CPM: variants seen among roughly 807,000 people sequenced by gnomAD.
The protein encoded by CPM is renal carboxypeptidase.
A neutral mutation model predicts 46.4 loss-of-function variants in CPM; 35 were observed. That is an observed-to-expected ratio of 0.75 (90% CI 0.58 to 1.00). CPM has a LOEUF of 1.00. Ranked by LOEUF, CPM falls within the 50% of genes least tolerant of loss-of-function variation. The pLI is 0.00. For missense variants in CPM, 422 were observed against 530.4 expected (o/e 0.80, Z 2.01); for synonymous variants, 195 against 195.3 (o/e 1.00, Z 0.01).
intron 2 of CPM, among the ~76,000 whole-genome samples, chr12:68,920,694 T>TA (rs1887999644): frequency 1.6e-5 from 2 of 124,548 alleles, no homozygotes; most frequent in Admixed American, 1.6e-4. Flanking sequence ...TTTCTTTTTC[T>TA]TTTTCTTTTT....
intron 1 of CPM, among the ~76,000 whole-genome samples, chr12:68,951,244 A>G (rs1196476547): frequency 6.6e-6 from 1 of 152,258 alleles, no homozygotes; most frequent in Non-Finnish European, 1.5e-5. Flanking sequence ...AAAATCACTT[A>G]ACAATGCTCA....
chr12:68,873,680 A>C (rs1398695961), intron 3 of CPM, among the ~76,000 whole-genome samples: 1 of 151,798 alleles, frequency 6.6e-6, no homozygotes, highest in East Asian at 1.9e-4. Flanking sequence ...AAAAAAAAAA[A>C]AAAAAGAAAG....
At chr12:68,954,503 T>C (rs1197146549) in intron 1 of CPM, among the ~76,000 whole-genome samples, 1 of 152,174 alleles carries the variant, frequency 6.6e-6, no homozygotes, top group Non-Finnish European at 1.5e-5. Flanking sequence ...CTTTGCTGAC[T>C]TCTCTCCTTC....
chr12:68,860,026 T>G (rs1302589471), intron 7 of CPM, among the ~76,000 whole-genome samples: 2 of 152,210 alleles, frequency 1.3e-5, no homozygotes, highest in African/African-American at 4.8e-5. Flanking sequence ...AATTATTTAT[T>G]AGGGCAGAAA....
chr12:68,921,722 C>G (rs970984776), intron 2 of CPM, among the ~76,000 whole-genome samples: 2 of 151,980 alleles, frequency 1.3e-5, no homozygotes, highest in African/African-American at 4.8e-5. Context: ...ATATTATTTA[C>G]TACTAATATA....
chr12:68,861,819 C>G (rs959438813), intron 7 of CPM, among the ~76,000 whole-genome samples: 1 of 149,708 alleles, frequency 6.7e-6, no homozygotes, highest in African/African-American at 2.5e-5. Context: ...TGAGCCATCG[C>G]GCCCGGCTAA....
At chr12:68,879,377 T>C (rs1222625505) in intron 3 of CPM, among the ~76,000 whole-genome samples, 1 of 152,172 alleles carries the variant, frequency 6.6e-6, no homozygotes, top group Non-Finnish European at 1.5e-5. Context: ...TTCAATTCTT[T>C]TTTTAAGACA....
chr12:68,919,431 A>T (rs1887945105), intron 2 of CPM, among the ~76,000 whole-genome samples: 1 of 152,236 alleles, frequency 6.6e-6, no homozygotes, highest in Non-Finnish European at 1.5e-5. Context: ...CTATTTGCTC[A>T]TGACTCTGTC....
intron 2 of CPM, among the ~76,000 whole-genome samples, chr12:68,886,117 G>A (rs940317548): frequency 2.0e-5 from 3 of 152,090 alleles, no homozygotes; most frequent in Admixed American, 2.0e-4. Flanking sequence ...TATTATTTTA[G>A]AATGTGATTT....
intron 2 of CPM, among the ~76,000 whole-genome samples, chr12:68,897,049 G>C (rs1448253447): frequency 3.9e-5 from 6 of 152,118 alleles, no homozygotes; most frequent in African/African-American, 1.4e-4. Context: ...CAAAAAACAG[G>C]AAGACGGTAG....
intron 1 of CPM, among the ~76,000 whole-genome samples, chr12:68,947,369 C>T (rs1888864430): frequency 6.6e-6 from 1 of 152,086 alleles, no homozygotes; most frequent in South Asian, 2.1e-4. Context: ...GGCCAAGACA[C>T]ATAGATCACC....
intron 4 of CPM, chr12:68,871,548 G>A (rs1261110557): frequency 3.8e-6 from 2 of 525,020 alleles, no homozygotes; most frequent in African/African-American, 1.9e-5. Context: ...GAGAAGGAGT[G>A]GCAAATGAAG....
Position 68,883,220 on chromosome 12 carries a change from A to G in CPM, c.258+2572T>C, listed in dbSNP as rs977055054. Among the ~76,000 whole-genome samples, 5 of 152,376 alleles carry G rather than the reference A, an allele frequency of 3.3e-5. No individual in the cohort carries two copies. The East Asian group carries it at 9.6e-4, about 29-fold the overall frequency. The stretch of plus-strand genomic sequence containing the variant: ...GCAAGGAATACACCAAAAAAGGTTA[A>G]GAATCACTGCCCTAAAATGTTAGCT... On this transcript the variant is annotated intron_variant, in intron 3 of 8. Transcript: ENST00000551568.
At chr12:68,880,329 A>C (rs1474960543) in intron 3 of CPM, among the ~76,000 whole-genome samples, 1 of 152,164 alleles carries the variant, frequency 6.6e-6, no homozygotes, top group Admixed American at 6.5e-5. Context: ...ATCGGTGACA[A>C]AGGCTCACCA....
intron 2 of CPM, among the ~76,000 whole-genome samples, chr12:68,894,586 C>G (rs550272674): frequency 6.6e-6 from 1 of 152,272 alleles, no homozygotes; most frequent in East Asian, 1.9e-4. Flanking sequence ...GATTTTCTGC[C>G]TTTTAAAATC....
At chr12:68,849,771 C>T (rs1448175976), downstream of CPM, 1 of 151,786 alleles carries the variant, frequency 6.6e-6, no homozygotes, top group Non-Finnish European at 1.5e-5. Context: ...AGCCACCATG[C>T]CTGGCAAATT....
At chr12:68,879,498 G>C (rs894462371) in intron 3 of CPM, among the ~76,000 whole-genome samples, 1 of 152,014 alleles carries the variant, frequency 6.6e-6, no homozygotes, top group Non-Finnish European at 1.5e-5. Flanking sequence ...TGAGTAGCTG[G>C]GACCACAGGT....
At position 68,902,605 on chromosome 12, in the gene CPM, T is replaced by C. The variant is rs143209031; in HGVS notation, c.161-16716A>G. On this transcript the variant is annotated intron_variant, in intron 2 of 8. Transcript: ENST00000551568. ...TGGAATCAGAGGAAAAACTCAAGGA[T>C]TTCGGGAAATCATACCTGCTTAAAA... is the stretch of plus-strand genomic sequence containing the variant. Among the ~76,000 whole-genome samples the C allele has an allele frequency of 4.9e-4, 74 of 152,334 alleles. No individual in the cohort carries two copies. The East Asian group carries it at 0.013, about 26-fold the overall frequency.
intron 1 of CPM, among the ~76,000 whole-genome samples, chr12:68,939,901 C>T (rs555569101): frequency 5.9e-5 from 9 of 151,990 alleles, no homozygotes; most frequent in African/African-American, 1.2e-4. Context: ...TGTGACTGAA[C>T]ATTTCTCTCA....
Sources: allele counts gnomAD v4.1 joint callset (sites outside exome capture counted in the v4.1 genomes callset), GRCh38; gene constraint gnomAD v4.1.1; transcripts MANE v1.5; gene names NCBI Gene and HGNC (gene_info 2026-07-23, HGNC 2026-07-21).